The following EXTL1 variants were observed in gnomAD, a reference collection of about 807,000 sequenced individuals.
The protein encoded by EXTL1 is exostosin like glycosyltransferase 1, also known as exostosin-like 1.
EXTL1 carries 43 observed loss-of-function variants against 64.6 expected under a neutral mutation model. That is an observed-to-expected ratio of 0.67 (90% CI 0.52 to 0.86). EXTL1 has a LOEUF of 0.86. EXTL1 is among the 40% of genes least tolerant of loss of function. The pLI is 0.00. For synonymous variants in EXTL1, 352 were observed against 360.5 expected, an observed-to-expected ratio of 0.98 and a Z score of 0.27; for missense variants, 766 against 879.0, an observed-to-expected ratio of 0.87 and a Z score of 1.62.
intron 3 of EXTL1, 52 bp from the exon 4 acceptor site, chr1:26,030,424 C>T: frequency 3.8e-6 from 6 of 1,574,412 alleles, no homozygotes; most frequent in Non-Finnish European, 5.2e-6. Context: ...CGTCGACCTC[C>T]TGGGCTCAAA....
chr1:26,029,092 TG>T, intron 1 of EXTL1, 100 bp from the exon 2 acceptor site: 1 of 729,728 alleles, frequency 1.4e-6, no homozygotes, highest in Non-Finnish European at 2.4e-6. Context: ...AGTGTGGGTG[TG>T]GGGTGCAGGG....
Position 26,031,195 on chromosome 1 carries a change from G to T in EXTL1, c.1165G>T (p.Gly389Trp). ...CTCACTGCTGTGGAACAGCCCCCCAGGGGCACTCCTGGCCCTGTCTACTTT... is the reference window on the plus strand; with the variant it reads ...CTCACTGCTGTGGAACAGCCCCCCATGGGCACTCCTGGCCCTGTCTACTTT... ...HPSLLWNSPPGALLALSTFST... is the reference protein window; with the variant it reads ...HPSLLWNSPPWALLALSTFST... The change falls in exon 5 of 11, where the codon GGG (glycine) becomes TGG (tryptophan). Residue 389 changes from glycine (G) to tryptophan (W), a missense_variant. Gly to Trp is a radical substitution (Grantham distance 184). This residue lies in a region of EXTL1 where 571 missense variants were observed against 647.6 expected (regional missense o/e 0.88). Transcript: ENST00000374280. 1 of 1,613,952 alleles carries T rather than the reference G, an allele frequency of 6.2e-7. No individual in the cohort carries two copies. The highest frequency in any genetic ancestry group is 8.5e-7 in the Non-Finnish European group (1 of 1,179,916).
At position 26,025,598 on chromosome 1, in the gene EXTL1, T is replaced by C. The variant is rs2050205846; in HGVS notation, c.779+2173T>C. Among the ~76,000 whole-genome samples the C allele has an allele frequency of 1.3e-5, 2 of 152,192 alleles. No homozygotes were observed. The highest frequency in any genetic ancestry group is 4.1e-4 in the South Asian group (2 of 4,830). Reference sequence around the variant, plus strand: ...TCCACCTTGGTTGAACGGTCTCTTGTTGCTTTGGAATAAATCTCCACCCAT... The same window carrying C: ...TCCACCTTGGTTGAACGGTCTCTTGCTGCTTTGGAATAAATCTCCACCCAT... On this transcript the variant is annotated intron_variant, in intron 1 of 10. Coordinates refer to ENST00000374280, the MANE Select transcript of EXTL1 (RefSeq NM_004455.3). The surrounding 1 kb of genome is among the most constrained non-coding windows in gnomAD (Gnocchi z 5.3).
chr1:26,031,349 C>A, intron 5 of EXTL1, 85 bp downstream of exon 5: 1 of 1,531,272 alleles, frequency 6.5e-7, no homozygotes. Context: ...CCCACCAAGA[C>A]CCTTTCCAAG....
chr1:26,030,401 T>C (rs781053270), intron 3 of EXTL1, 75 bp from the exon 4 acceptor site: 4 of 1,332,438 alleles, frequency 3.0e-6, no homozygotes, highest in Non-Finnish European at 4.2e-6. Context: ...GGCACGAATA[T>C]GGCTCACTGC....
chr1:26,032,285 A>T, intron 6 of EXTL1, 111 bp from the exon 7 acceptor site: 3 of 700,258 alleles, frequency 4.3e-6, no homozygotes, highest in Non-Finnish European at 7.6e-6. Flanking sequence ...TGTGCAGTTT[A>T]CAAAGCTGAC....
chr1:26,031,402 C>A, intron 5 of EXTL1, 58 bp from the exon 6 acceptor site: 2 of 1,366,998 alleles, frequency 1.5e-6, no homozygotes, highest in Non-Finnish European at 2.0e-6. Context: ...CTACTCAGGT[C>A]ATTCTTCATG....
intron 1 of EXTL1, among the ~76,000 whole-genome samples, chr1:26,024,360 A>G (rs760414901): frequency 2.6e-5 from 4 of 151,996 alleles, no homozygotes; most frequent in Non-Finnish European, 5.9e-5. Context: ...CCCAGGGCCT[A>G]CCTGAGTCGG....
rs777685971 is a variant in EXTL1 at position 26,030,462 on chromosome 1, C to T, written c.982-14C>T. On this transcript the variant is annotated splice_polypyrimidine_tract_variant and intron_variant, in intron 3 of 10. Transcript: ENST00000374280. ...TGCTCTATTACCTGGCACTTTTCTC[C>T]CTCTCTGCTCCAGGTCCTGGCTGCC... 1.9e-6 allele frequency: 3 copies of T among 1,604,398 alleles called. No homozygotes were observed. The highest frequency in any genetic ancestry group is 1.1e-5 in the South Asian group (1 of 90,726).
rs771376066 is a variant in EXTL1 at position 26,035,027 on chromosome 1, C to G, written c.1848+23C>G. On this transcript the variant is annotated intron_variant, in intron 10 of 10. Transcript: ENST00000374280. The surrounding 1 kb of genome is among the most constrained non-coding windows in gnomAD (Gnocchi z 5.3). ...CTGGTGAGGGCTGAGGGGGATTGGT[C>G]GGAACTGGCAGGGATTGGGCGGGGA... The G allele has an allele frequency of 2.5e-6, 4 of 1,612,856 alleles. No individual in the cohort carries two copies. Among genetic ancestry groups the G allele is most frequent in the African/African-American group, 2.7e-5 (2 of 75,046 alleles).
At position 26,033,319 on chromosome 1, in the gene EXTL1, A is replaced by C; in HGVS notation, c.1518+4A>C. 2 of 1,612,834 alleles carry C rather than the reference A, an allele frequency of 1.2e-6. No individual in the cohort carries two copies. Among genetic ancestry groups the C allele is most frequent in the African/African-American group, 2.7e-5 (2 of 74,990 alleles). The stretch of plus-strand genomic sequence containing the variant: ...CAGCAGTCTTTCCACAAGTGAGGTG[A>C]GGGCTGGGCCCAAGAGAAGCCCAGT... On this transcript the variant is annotated splice_donor_region_variant and intron_variant, in intron 8 of 10. Transcript: ENST00000374280. The surrounding 1 kb of genome is among the most constrained non-coding windows in gnomAD (Gnocchi z 5.1).
At position 26,022,954 on chromosome 1, in the gene EXTL1, C is replaced by T. The variant is rs138854662; in HGVS notation, c.308C>T (p.Ala103Val). The stretch of plus-strand genomic sequence containing the variant: ...GGCCTTAAGGTATTCGTGTACCCAG[C>T]GGTTGGAACCATCTCTGAGACTCAT... ...GDGLKVFVYPAVGTISETHRR... is the reference protein window; with the variant it reads ...GDGLKVFVYPVVGTISETHRR... Residue 103 changes from alanine (A) to valine (V), a missense_variant, in exon 1 of 11, where the codon GCG (alanine) becomes GTG (valine). Ala to Val is a moderately conservative substitution (Grantham distance 64, BLOSUM62 0). Transcript: ENST00000374280. 32 of 1,613,970 alleles carry T rather than the reference C, an allele frequency of 2.0e-5. No homozygotes were observed. The highest frequency in any genetic ancestry group is 5.0e-5 in the Admixed American group (3 of 59,996).
Position 26,033,571 on chromosome 1 carries a change from C to T in EXTL1, c.1519-125C>T. ...ACTTCCAGCCAATTCCAAGTCTTGG[C>T]TCCCGCGCCCTCTCCCCTGAGTCCT... On this transcript the variant is annotated intron_variant, in intron 8 of 10. Coordinates refer to ENST00000374280, the MANE Select transcript of EXTL1 (RefSeq NM_004455.3). This position sits in a 1 kb window ranked among gnomAD's most constrained non-coding sequence, Gnocchi z 5.1. 1 of 971,698 alleles carries T rather than the reference C, an allele frequency of 1.0e-6. No individual in the cohort carries two copies. The highest frequency in any genetic ancestry group is 1.6e-6 in the Non-Finnish European group (1 of 634,720). 60.2% of individuals were successfully genotyped at this position (971,698 alleles called of 1,614,324 possible).
Position 26,026,574 on chromosome 1 carries a change from A to G in EXTL1, c.780-2619A>G, listed in dbSNP as rs569650389. 2.6e-5 allele frequency among the ~76,000 whole-genome samples: 4 copies of G among 152,330 alleles called. No homozygotes were observed. The East Asian group carries it at 7.7e-4, about 30-fold the overall frequency. On this transcript the variant is annotated intron_variant, in intron 1 of 10. Transcript: ENST00000374280. ...CTCCCAAAGTGCTGAGATTACAGGC[A>G]TGAGCCACGGCGCCCAGCAGAAAAT... is the stretch of plus-strand genomic sequence containing the variant.
chr1:26,026,595 A>G (rs968833364), intron 1 of EXTL1, among the ~76,000 whole-genome samples: 2 of 152,178 alleles, frequency 1.3e-5, no homozygotes, highest in African/African-American at 2.4e-5. Flanking sequence ...CGCCCAGCAG[A>G]AAATGTTTTA....
intron 1 of EXTL1, among the ~76,000 whole-genome samples, chr1:26,026,520 C>T (rs1392759461): frequency 6.6e-6 from 1 of 152,112 alleles, no homozygotes; most frequent in African/African-American, 2.4e-5. Flanking sequence ...TCTCAAACTC[C>T]TGACTTCAAA....
Position 26,022,599 on chromosome 1 carries a change from G to C in EXTL1, c.-48G>C. On this transcript the variant is annotated 5_prime_UTR_variant, in exon 1 of 11. Transcript: ENST00000374280. ...GCCCCAGGCCCTGCTCTTCCTGCTTGCTGGCAGAGGCCTCCCAGCTTCCCT... is the reference window on the plus strand; with the variant it reads ...GCCCCAGGCCCTGCTCTTCCTGCTTCCTGGCAGAGGCCTCCCAGCTTCCCT... The C allele has an allele frequency of 6.7e-7, 1 of 1,500,756 alleles. No homozygotes were observed. The highest frequency in any genetic ancestry group is 2.3e-5 in the East Asian group (1 of 44,126). The allele number at this position is 1,500,756 out of a possible 1,614,324, so 93.0% of individuals were successfully genotyped here. A position where few individuals can be genotyped will look rare whatever the true frequency, so the allele number is the denominator to read the frequency against.
At position 26,033,213 on chromosome 1, in the gene EXTL1, C is replaced by G. The variant is rs1380732269; in HGVS notation, c.1432-16C>G. 10 of 1,593,164 alleles carry G rather than the reference C, an allele frequency of 6.3e-6. No homozygotes were observed. Among genetic ancestry groups the G allele is most frequent in the Non-Finnish European group, 8.6e-6 (10 of 1,161,002 alleles). On this transcript the variant is annotated splice_polypyrimidine_tract_variant and intron_variant, in intron 7 of 10. Transcript: ENST00000374280. This position sits in a 1 kb window ranked among gnomAD's most constrained non-coding sequence, Gnocchi z 5.1. ...AATGTTCCAATGGCTGAGTTCCCCT[C>G]CCCCACTCCCTGCAGGTTAGTGATC... is the stretch of plus-strand genomic sequence containing the variant.
chr1:26,029,851 C>T (rs2050263174), intron 3 of EXTL1, 144 bp downstream of exon 3: 14 of 619,316 alleles, frequency 2.3e-5, no homozygotes, highest in Non-Finnish European at 3.0e-6. Context: ...CCAAGTCTCC[C>T]CTCTGGGGCT....
Sources: gnomAD v4.1 joint callset for allele counts (sites outside exome capture counted in the v4.1 genomes callset) on GRCh38, gnomAD v4.1.1 for gene constraint, gnomAD v4.1.1 regional missense constraint, Gnocchi (gnomAD v3.1) non-coding constraint, MANE v1.5 for transcripts, NCBI Gene and HGNC (gene_info 2026-07-23, HGNC 2026-07-21) for gene names.